TYW1B: variants seen among roughly 807,000 people sequenced by gnomAD.
TYW1B encodes S-adenosyl-L-methionine-dependent tRNA 4-demethylwyosine synthase TYW1B.
TYW1B carries 73 observed loss-of-function variants against 86.9 expected under a neutral mutation model. The observed-to-expected ratio is 0.84, with a 90% CI of 0.70 to 1.02. TYW1B has a LOEUF of 1.02. Ranked by LOEUF, TYW1B falls within the 50% of genes least tolerant of loss-of-function variation. TYW1B has a pLI of 0.00. For synonymous variants in TYW1B, 248 were observed against 292.8 expected (o/e 0.85, Z 1.56); for missense variants, 637 against 827.4 (o/e 0.77, Z 2.82).
intron 9 of TYW1B, among the ~76,000 whole-genome samples, chr7:72,721,369 T>C (rs1452653222): frequency 1.3e-5 from 2 of 152,166 alleles, no homozygotes; most frequent in Non-Finnish European, 2.9e-5. Flanking sequence ...ATCAACGGTG[T>C]AAAAGTGTTC....
At chr7:72,694,173 G>C (rs1814249968) in intron 11 of TYW1B, among the ~76,000 whole-genome samples, 1 of 152,124 alleles carries the variant, frequency 6.6e-6, no homozygotes, top group East Asian at 1.9e-4. Context: ...ATGTTGGCCA[G>C]GCTGGTCTTG....
chr7:72,776,698 C>T (rs542293474), intron 7 of TYW1B, among the ~76,000 whole-genome samples: 2 of 143,034 alleles, frequency 1.4e-5, no homozygotes, highest in Non-Finnish European at 3.1e-5. Flanking sequence ...CACAGAAAAA[C>T]AGGAAAAGGG....
chr7:72,644,633 C>T (rs1812880612), intron 11 of TYW1B, among the ~76,000 whole-genome samples: 1 of 152,012 alleles, frequency 6.6e-6, no homozygotes, highest in South Asian at 2.1e-4. Flanking sequence ...AAAACTGACA[C>T]TGCAGAACAG....
At chr7:72,582,295 G>T (rs1409791644) in intron 13 of TYW1B, among the ~76,000 whole-genome samples, 5 of 152,104 alleles carry the variant, frequency 3.3e-5, no homozygotes, top group African/African-American at 7.2e-5. Context: ...ACATTATAGC[G>T]AAATTTCAAA....
chr7:72,741,139 G>A (rs1315697901), intron 8 of TYW1B, among the ~76,000 whole-genome samples: 2 of 152,062 alleles, frequency 1.3e-5, no homozygotes, highest in South Asian at 2.1e-4. Flanking sequence ...AGGAAGCATA[G>A]ACATTAGACC....
chr7:72,728,745 A>C (rs1554459220), intron 9 of TYW1B, 77 bp downstream of exon 9: 2 of 1,418,030 alleles, frequency 1.4e-6, no homozygotes, highest in African/African-American at 1.4e-5. Context: ...AATCCTACCA[A>C]AGAGGCAATT....
At chr7:72,824,706 A>G (rs1430253935) in intron 2 of TYW1B, among the ~76,000 whole-genome samples, 1 of 152,056 alleles carries the variant, frequency 6.6e-6, no homozygotes, top group Non-Finnish European at 1.5e-5. Flanking sequence ...ACACCACTGC[A>G]CTCCAGGCTG....
At chr7:72,728,790 T>C in intron 9 of TYW1B, 32 bp downstream of exon 9, 1 of 1,591,682 alleles carries the variant, frequency 6.3e-7, no homozygotes. Flanking sequence ...TTAACAAGTA[T>C]TAGCATTCCT....
At chr7:72,784,963 C>CTCTATG (rs1788103330) in intron 6 of TYW1B, among the ~76,000 whole-genome samples, 3 of 152,028 alleles carry the variant, frequency 2.0e-5, no homozygotes, top group Admixed American at 2.0e-4. Flanking sequence ...CATCTTCCTT[C>CTCTATG]TCTATGTCAC....
At chr7:72,774,140 G>A (rs1270249019) in intron 7 of TYW1B, among the ~76,000 whole-genome samples, 25 of 151,598 alleles carry the variant, frequency 1.6e-4, no homozygotes, top group African/African-American at 5.8e-4. Context: ...GACTGAGGAA[G>A]GGAAGGACTG....
At position 72,828,138 on chromosome 7, in the gene TYW1B, T is replaced by C. The variant is rs1554481843; in HGVS notation, c.-63A>G. 1.5e-5 allele frequency: 24 copies of C among 1,609,166 alleles called. No homozygotes were observed. Among genetic ancestry groups the C allele is most frequent in the Non-Finnish European group, 2.0e-5 (24 of 1,177,938 alleles). On this transcript the variant is annotated 5_prime_UTR_variant, in exon 1 of 14. Transcript: ENST00000620995. Reference sequence around the variant, plus strand: ...TGGAGAGCCCAAAGGTTCGCACTGGTACTGCGAGACGCACCGAGCTACCTC... The same window carrying C: ...TGGAGAGCCCAAAGGTTCGCACTGGCACTGCGAGACGCACCGAGCTACCTC...
At chr7:72,770,039 C>T (rs1787838318) in intron 7 of TYW1B, among the ~76,000 whole-genome samples, 1 of 151,632 alleles carries the variant, frequency 6.6e-6, no homozygotes. Context: ...CACCACTGCA[C>T]TCCAGCCTGG....
At chr7:72,673,967 G>C (rs539078351) in intron 11 of TYW1B, among the ~76,000 whole-genome samples, 1 of 152,060 alleles carries the variant, frequency 6.6e-6, no homozygotes, top group Non-Finnish European at 1.5e-5. Context: ...TTTTAAAAAG[G>C]TAATTTCTGG....
chr7:72,753,406 A>G (rs1414758217), intron 7 of TYW1B, among the ~76,000 whole-genome samples: 1 of 152,140 alleles, frequency 6.6e-6, no homozygotes, highest in African/African-American at 2.4e-5. Context: ...TCAACTGTCA[A>G]TATTAGCATC....
chr7:72,662,960 TTC>T (rs1813369658), intron 11 of TYW1B, among the ~76,000 whole-genome samples: 1 of 152,238 alleles, frequency 6.6e-6, no homozygotes, highest in Non-Finnish European at 1.5e-5. Context: ...CTTCTGATCA[TTC>T]TTTTTTATTT....
chr7:72,719,631 CAAAAAAAA>C (rs67560586), intron 9 of TYW1B, among the ~76,000 whole-genome samples: 7 of 65,074 alleles, frequency 1.1e-4, no homozygotes, highest in African/African-American at 3.9e-4. Flanking sequence ...ATTCCGTCTC[CAAAAAAAA>C]AAAAAAAAAA....
At chr7:72,760,963 T>G (rs1563085048) in intron 7 of TYW1B, among the ~76,000 whole-genome samples, 2 of 152,194 alleles carry the variant, frequency 1.3e-5, no homozygotes, top group South Asian at 2.1e-4. Context: ...ACACCGGATA[T>G]TCACAGGCTA....
At chr7:72,584,818 C>T (rs1295053757) in intron 13 of TYW1B, among the ~76,000 whole-genome samples, 1 of 152,068 alleles carries the variant, frequency 6.6e-6, no homozygotes, top group Non-Finnish European at 1.5e-5. Context: ...AATGAGTGCA[C>T]TAAAAAGCCT....
In TYW1B at chr7:72,828,198, T is replaced by G; in HGVS notation, c.-123A>C. On this transcript the variant is annotated 5_prime_UTR_variant, in exon 1 of 14. Coordinates refer to ENST00000620995, the MANE Select transcript of TYW1B (RefSeq NM_001145440.3). ...GCGCCGTACCGAGTGGCTGCAGAAC[T>G]GTGGGCAGCTACGACGCTGCCAGGC... 6.5e-7 allele frequency: 1 copy of G among 1,541,568 alleles called. No individual in the cohort carries two copies. The highest frequency in any genetic ancestry group is 1.4e-5 in the African/African-American group (1 of 73,364).
Sources: allele counts gnomAD v4.1 joint callset (sites outside exome capture counted in the v4.1 genomes callset), GRCh38; gene constraint gnomAD v4.1.1; transcripts MANE v1.5; gene names NCBI Gene and HGNC (gene_info 2026-07-23, HGNC 2026-07-21).